KRT3: variants seen among roughly 807,000 people sequenced by gnomAD.
KRT3 encodes the protein keratin 3.
KRT3 carries 34 observed loss-of-function variants against 45.8 expected under a neutral mutation model. That is an observed-to-expected ratio of 0.74 (90% CI 0.57 to 0.99). The LOEUF (loss-of-function observed/expected upper bound fraction) is 0.99. KRT3 is among the 50% of genes least tolerant of loss of function. The pLI is 0.00. For synonymous variants in KRT3, 367 were observed against 329.0 expected, an observed-to-expected ratio of 1.12 and a Z score of -1.25; for missense variants, 828 against 820.6, an observed-to-expected ratio of 1.01 and a Z score of -0.11.
In KRT3 at chr12:52,795,759, C is replaced by T. The variant is rs1228698959; in HGVS notation, c.284G>A (p.Gly95Asp). The change falls in exon 1 of 9, where the codon GGT becomes GAT. Residue 95 changes from glycine to aspartate, a missense_variant. Gly to Asp is a moderately conservative substitution (Grantham distance 94, BLOSUM62 -1). Coordinates refer to ENST00000417996, the MANE Select transcript of KRT3 (RefSeq NM_057088.3). ...ACCTCCATAGCCGCTCCCAAAGCCA[C>T]CTCCATAGCCACCTGCAAAGGCACA... ...SSCAFAGGYG[G>D]GFGSGYGGGF... The T allele has an allele frequency of 1.2e-6, 2 of 1,613,988 alleles. No homozygotes were observed. The highest frequency in any genetic ancestry group is 2.2e-5 in the East Asian group (1 of 44,884).
At chr12:52,790,719 T>C (rs953273372) in intron 8 of KRT3, 119 bp downstream of exon 8, 11 of 936,864 alleles carry the variant, frequency 1.2e-5, no homozygotes, top group Middle Eastern at 2.1e-4. Context: ...TTCCCTCTCC[T>C]CTCCCAGAAA....
In KRT3 at chr12:52,789,939, G is replaced by A. The variant is rs1355090441; in HGVS notation, c.*103C>T. 2.5e-6 allele frequency: 3 copies of A among 1,219,706 alleles called. No homozygotes were observed. The highest frequency in any genetic ancestry group is 3.5e-6 in the Non-Finnish European group (3 of 859,350). The allele number at this position is 1,219,706 out of a possible 1,614,324, so 75.6% of individuals were successfully genotyped here. On this transcript the variant is annotated 3_prime_UTR_variant, in exon 9 of 9. Coordinates refer to ENST00000417996, the MANE Select transcript of KRT3 (RefSeq NM_057088.3). ...GCCACAAGCCTTCCAGCGCAGAGCC[G>A]CGTTCTTGGGGAGCATGGGGTGGCG...
chr12:52,793,739 G>C (rs377332988), intron 2 of KRT3, among the ~76,000 whole-genome samples: 1 of 152,064 alleles, frequency 6.6e-6, no homozygotes, highest in Non-Finnish European at 1.5e-5. Context: ...TTACAGGTGT[G>C]TGCCACCACA....
rs369084756 is a variant in KRT3 at position 52,792,289 on chromosome 12, C to G, written c.1138G>C (p.Asp380His). 1.2e-6 allele frequency: 2 copies of G among 1,614,042 alleles called. No individual in the cohort carries two copies. Among genetic ancestry groups the G allele is most frequent in the African/African-American group, 1.3e-5 (1 of 74,930 alleles). ...IIAEVRAQYEDIAQRSKAEAE... is the reference protein window; with the variant it reads ...IIAEVRAQYEHIAQRSKAEAE... ...TCGGCCTTGCTTCTCTGAGCGATATCCTCATACTGTGCACGAACTTCAGCA... is the reference window on the plus strand; with the variant it reads ...TCGGCCTTGCTTCTCTGAGCGATATGCTCATACTGTGCACGAACTTCAGCA... The change falls in exon 5 of 9, where the codon GAT becomes CAT. Residue 380 changes from aspartate to histidine, a missense_variant. Coordinates refer to ENST00000417996, the MANE Select transcript of KRT3 (RefSeq NM_057088.3).
At chr12:52,794,008 C>T (rs1313661495) in intron 2 of KRT3, 103 bp downstream of exon 2, 6 of 825,982 alleles carry the variant, frequency 7.3e-6, no homozygotes, top group Non-Finnish European at 1.2e-5. Context: ...GGGAAATGGG[C>T]CAGGAGACGC....
intron 7 of KRT3, among the ~76,000 whole-genome samples, 165 bp downstream of exon 7, chr12:52,791,041 G>GT (rs1939480775): frequency 6.6e-6 from 1 of 152,214 alleles, no homozygotes; most frequent in Non-Finnish European, 1.5e-5. Flanking sequence ...GTGGGCACTG[G>GT]TTGCATACGT....
In KRT3 at chr12:52,795,731, G is replaced by A. The variant is rs1473010015; in HGVS notation, c.312C>T (p.Gly104=). The change falls in exon 1 of 9, where the codon GGC becomes GGT. Residue 104 remains glycine (G), a synonymous_variant. Coordinates refer to ENST00000417996, the MANE Select transcript of KRT3 (RefSeq NM_057088.3). ...GGGFGSGYGG[G]FGGGFGGGRG... ...TGCCACCACCAAAGCCACCACCAAA[G>A]CCACCTCCATAGCCGCTCCCAAAGC... is the stretch of plus-strand genomic sequence containing the variant. 1.9e-6 allele frequency: 3 copies of A among 1,612,900 alleles called. No individual in the cohort carries two copies. Among genetic ancestry groups the A allele is most frequent in the East Asian group, 2.2e-5 (1 of 44,846 alleles).
Position 52,795,540 on chromosome 12 carries a change from C to G in KRT3, c.503G>C (p.Gly168Ala), listed in dbSNP as rs749636551. The G allele has an allele frequency of 6.2e-7, 1 of 1,613,878 alleles. No homozygotes were observed. Among genetic ancestry groups the G allele is most frequent in the South Asian group, 1.1e-5 (1 of 91,052 alleles). The change falls in exon 1 of 9, where the codon GGG (glycine) becomes GCG (alanine). Residue 168 changes from glycine (G) to alanine (A), a missense_variant. Physicochemically the swap from Gly to Ala is moderately conservative, Grantham distance 60 (BLOSUM62 0). Coordinates refer to ENST00000417996, the MANE Select transcript of KRT3 (RefSeq NM_057088.3). The stretch of plus-strand genomic sequence containing the variant: ...GTTGATAGTCACTTCCTGAATTCCC[C>G]CAGGAAAGCCCCCAGGGCCAAAGCC... ...PGGFGPGGFP[G>A]GIQEVTINQS...
At chr12:52,792,174 T>C (rs369957248) in intron 5 of KRT3, 65 bp downstream of exon 5, 2 of 1,399,256 alleles carry the variant, frequency 1.4e-6, no homozygotes, top group African/African-American at 1.4e-5. Flanking sequence ...ACTACCCAGC[T>C]GTCCAATAGG....
Position 52,791,386 on chromosome 12 carries a change from T to C in KRT3, c.1355A>G (p.His452Arg). 2 of 1,614,242 alleles carry C rather than the reference T, an allele frequency of 1.2e-6. No individual in the cohort carries two copies. The highest frequency in any genetic ancestry group is 1.7e-6 in the Non-Finnish European group (2 of 1,180,036). ...GGCATCCTTGAGGGCCATCTCTCCATGCTGCTCGGCCTCGGCAATGGCCGT... is the reference window on the plus strand; with the variant it reads ...GGCATCCTTGAGGGCCATCTCTCCACGCTGCTCGGCCTCGGCAATGGCCGT... ...LQTAIAEAEQ[H>R]GEMALKDANA... Residue 452 changes from histidine to arginine, a missense_variant, in exon 7 of 9, where the codon CAT (histidine) becomes CGT (arginine). By Grantham distance (29) the His-to-Arg change is conservative. Transcript: ENST00000417996.
chr12:52,794,761 G>A (rs1444668981), intron 1 of KRT3, among the ~76,000 whole-genome samples: 1 of 152,178 alleles, frequency 6.6e-6, no homozygotes, highest in African/African-American at 2.4e-5. Context: ...AACACTGGCT[G>A]GCATGCCACA....
At chr12:52,793,872 A>C (rs1241891473) in intron 2 of KRT3, among the ~76,000 whole-genome samples, 1 of 152,182 alleles carries the variant, frequency 6.6e-6, no homozygotes, top group Non-Finnish European at 1.5e-5. Context: ...GATTACAGGC[A>C]TGAGCCACCA....
At chr12:52,790,571 T>G (rs1939468784) in intron 8 of KRT3, among the ~76,000 whole-genome samples, 1 of 152,166 alleles carries the variant, frequency 6.6e-6, no homozygotes, top group African/African-American at 2.4e-5. Flanking sequence ...CACAGTACAG[T>G]CTTGATGACC....
chr12:52,789,926 C>T lies in KRT3; in HGVS notation c.*116G>A. On this transcript the variant is annotated 3_prime_UTR_variant, in exon 9 of 9. Coordinates refer to ENST00000417996, the MANE Select transcript of KRT3 (RefSeq NM_057088.3). ...GGAGGAGCAAGAGGCCACAAGCCTT[C>T]CAGCGCAGAGCCGCGTTCTTGGGGA... 5 of 1,111,244 alleles carry T rather than the reference C, an allele frequency of 4.5e-6. No individual in the cohort carries two copies. In the South Asian group the frequency reaches 6.8e-5, roughly 15 times the overall value. 68.8% of individuals were successfully genotyped at this position (1,111,244 alleles called of 1,614,324 possible). A position where few individuals can be genotyped will look rare whatever the true frequency, so the allele number is the denominator to read the frequency against.
rs933212537 is a variant in KRT3, at chr12:52,791,387, G to A, written c.1354C>T (p.His452Tyr). Reference protein sequence around the residue: ...LQTAIAEAEQHGEMALKDANA... With the variant: ...LQTAIAEAEQYGEMALKDANA... ...GCATCCTTGAGGGCCATCTCTCCAT[G>A]CTGCTCGGCCTCGGCAATGGCCGTC... Residue 452 changes from histidine (H) to tyrosine (Y), a missense_variant, in exon 7 of 9, where the codon CAT becomes TAT. His to Tyr is a moderately conservative substitution (Grantham distance 83). Coordinates refer to ENST00000417996, the MANE Select transcript of KRT3 (RefSeq NM_057088.3). 39 of 1,614,124 alleles carry A rather than the reference G, an allele frequency of 2.4e-5. 1 individual carries two copies. The East Asian group carries it at 8.7e-4, about 36-fold the overall frequency.
intron 7 of KRT3, 110 bp from the exon 8 acceptor site, chr12:52,790,982 A>G (rs1939479639): frequency 7.7e-7 from 1 of 1,303,278 alleles, no homozygotes; most frequent in Non-Finnish European, 1.1e-6. Context: ...AGCCTGGCAA[A>G]TCAGGTAAGC....
chr12:52,791,546 C>G lies in KRT3; in HGVS notation c.1315-120G>C, dbSNP rs1238844647. ...ATTCCTCCTCCCCTAGTGCCTCCAT[C>G]TTGTCTCCATTTGTGGAGATACTGC... is the stretch of plus-strand genomic sequence containing the variant. On this transcript the variant is annotated intron_variant, in intron 6 of 8. Transcript: ENST00000417996. 2.1e-6 allele frequency: 3 copies of G among 1,429,462 alleles called. No homozygotes were observed. The African/African-American group carries it at 4.2e-5, about 20-fold the overall frequency. 88.5% of individuals were successfully genotyped at this position (1,429,462 alleles called of 1,614,324 possible).
At position 52,791,184 on chromosome 12, in the gene KRT3, G is replaced by A. The variant is rs765823142; in HGVS notation, c.1535+22C>T. The A allele has an allele frequency of 2.5e-6, 4 of 1,614,054 alleles. No homozygotes were observed. In the South Asian group the frequency reaches 3.3e-5, roughly 13 times the overall value. On this transcript the variant is annotated intron_variant, in intron 7 of 8. Coordinates refer to ENST00000417996, the MANE Select transcript of KRT3 (RefSeq NM_057088.3). ...CTATGACTTGAGCCAGGGGGTGTGG[G>A]AAGACGGGACTGGAGGCTCACCTGT...
chr12:52,792,690 C>T, intron 4 of KRT3, 21 bp downstream of exon 4: 2 of 1,531,600 alleles, frequency 1.3e-6, no homozygotes, highest in Non-Finnish European at 1.8e-6. Flanking sequence ...TCTGTCCCTT[C>T]TTAGTAGGTA....
Sources: allele counts gnomAD v4.1 joint callset (sites outside exome capture counted in the v4.1 genomes callset), GRCh38; gene constraint gnomAD v4.1.1; transcripts MANE v1.5; gene names NCBI Gene and HGNC (gene_info 2026-07-23, HGNC 2026-07-21).